The following NTRK3 variants were observed in gnomAD, a reference collection of about 807,000 sequenced individuals.
NTRK3 encodes the protein neurotrophic receptor tyrosine kinase 3, also known as NT-3 growth factor receptor.
Under a neutral mutation model 91.7 loss-of-function variants are expected in NTRK3, and 24 were observed. The observed-to-expected ratio is 0.26, with a 90% CI of 0.19 to 0.37. The LOEUF (loss-of-function observed/expected upper bound fraction) is 0.37. Among genes scored for constraint, NTRK3 ranks in the 10% least tolerant of loss-of-function variants. The probability of loss-of-function intolerance (pLI) is 1.00; values close to 1 mark genes in which losing one functional copy is unlikely to be tolerated. For synonymous variants in NTRK3, 483 were observed against 404.0 expected (o/e 1.20, Z -2.34); for missense variants, 880 against 1,068.9 (o/e 0.82, Z 2.46).
At chr15:87,954,288 C>T (rs111733483) in intron 14 of NTRK3, among the ~76,000 whole-genome samples, 132 of 152,178 alleles carry the variant, frequency 8.7e-4, no homozygotes, top group African/African-American at 3.0e-3. Flanking sequence ...AGCTCTTTAC[C>T]CTAGAAACTA....
At chr15:87,979,145 A>G (rs2141343779) in intron 14 of NTRK3, 1 of 624,110 alleles carries the variant, frequency 1.6e-6, no homozygotes. Flanking sequence ...TGATGATTGG[A>G]GGGAAGGGGC....
intron 10 of NTRK3, among the ~76,000 whole-genome samples, chr15:88,129,590 G>A (rs2053612065): frequency 6.6e-6 from 1 of 152,218 alleles, no homozygotes; most frequent in African/African-American, 2.4e-5. Context: ...TAAAAGGAGT[G>A]AGGATTCCTT....
chr15:87,954,381 G>C (rs1248944741), intron 14 of NTRK3, among the ~76,000 whole-genome samples: 1 of 152,176 alleles, frequency 6.6e-6, no homozygotes, highest in African/African-American at 2.4e-5. Context: ...TGAATGACCA[G>C]ACAGCTATAC....
intron 17 of NTRK3, among the ~76,000 whole-genome samples, chr15:87,923,391 T>A (rs1278204998): frequency 6.6e-6 from 1 of 152,132 alleles, no homozygotes; most frequent in Non-Finnish European, 1.5e-5. Flanking sequence ...TTTTAGCTGG[T>A]TGGGACATAG....
rs193081584 is a variant in NTRK3, at chr15:88,033,088, C to T, written c.1397-43G>A. ...GACGCAGGACCTGGTGACGTCACAT[C>T]CGGCCAGTTTCCAGCCCTGTCCACA... On this transcript the variant is annotated intron_variant, in intron 13 of 18. Transcript: ENST00000394480. The T allele has an allele frequency of 1.2e-4, 189 of 1,540,454 alleles. No individual in the cohort carries two copies. The East Asian group carries it at 3.9e-3, about 32-fold the overall frequency.
At chr15:87,868,295 G>C (rs1256132977) in exon 19 of NTRK3, 4 of 227,864 alleles carry the variant, frequency 1.8e-5, no homozygotes, top group Non-Finnish European at 3.5e-5. Context: ...TTTAAATAAA[G>C]TCATCAAGAT....
chr15:88,238,011 C>T (rs1402397924), intron 3 of NTRK3, among the ~76,000 whole-genome samples: 2 of 151,936 alleles, frequency 1.3e-5, no homozygotes, highest in Non-Finnish European at 1.5e-5. Flanking sequence ...TTGGGGTAGC[C>T]CTAATTCAAA....
chr15:88,068,965 A>T (rs2046884253), intron 13 of NTRK3, among the ~76,000 whole-genome samples: 1 of 152,176 alleles, frequency 6.6e-6, no homozygotes, highest in Admixed American at 6.5e-5. Flanking sequence ...AGAGGTAGGT[A>T]CGTCTGGATT....
chr15:88,156,287 G>T (rs2043894961), intron 5 of NTRK3, among the ~76,000 whole-genome samples: 1 of 152,186 alleles, frequency 6.6e-6, no homozygotes, highest in Admixed American at 6.5e-5. Context: ...GTGCTGAGGA[G>T]GTGGAGAAGG....
intron 14 of NTRK3, among the ~76,000 whole-genome samples, chr15:88,031,543 G>GC (rs1281132494): frequency 6.6e-6 from 1 of 152,118 alleles, no homozygotes; most frequent in African/African-American, 2.4e-5. Context: ...TCTCTTCCTT[G>GC]CCCAGCCGTG....
At chr15:87,931,335 G>C (rs2068781129) in intron 16 of NTRK3, 3 of 436,694 alleles carry the variant, frequency 6.9e-6, no homozygotes, top group Non-Finnish European at 1.4e-5. Flanking sequence ...TATTGAGAAA[G>C]AGTGTTGCCT....
intron 14 of NTRK3, among the ~76,000 whole-genome samples, chr15:88,006,268 T>A (rs2076482338): frequency 6.6e-6 from 1 of 152,100 alleles, no homozygotes; most frequent in Admixed American, 6.6e-5. Context: ...ACCGTAAGAG[T>A]GTTCCTCGGG....
intron 17 of NTRK3, among the ~76,000 whole-genome samples, chr15:87,889,308 A>G (rs1367291905): frequency 6.6e-6 from 1 of 151,916 alleles, no homozygotes; most frequent in Non-Finnish European, 1.5e-5. Flanking sequence ...AATGAATTAG[A>G]CCAGAGGTCA....
chr15:88,183,751 G>T (rs2046722215), intron 4 of NTRK3, among the ~76,000 whole-genome samples: 1 of 152,208 alleles, frequency 6.6e-6, no homozygotes, highest in South Asian at 2.1e-4. Flanking sequence ...CTGGCCAGTA[G>T]GTAAGGACCA....
chr15:88,068,576 C>T (rs1346417524), intron 13 of NTRK3, among the ~76,000 whole-genome samples: 1 of 152,164 alleles, frequency 6.6e-6, no homozygotes, highest in Non-Finnish European at 1.5e-5. Context: ...AGATATAGGG[C>T]TCAGAAAGGA....
chr15:88,199,523 A>C (rs1240183818), intron 3 of NTRK3, among the ~76,000 whole-genome samples: 1 of 152,212 alleles, frequency 6.6e-6, no homozygotes, highest in Non-Finnish European at 1.5e-5. Context: ...AATATCCTGA[A>C]AGGAATTGTC....
intron 14 of NTRK3, among the ~76,000 whole-genome samples, chr15:87,965,604 C>A (rs752158359): frequency 3.3e-5 from 5 of 152,152 alleles, no homozygotes; most frequent in Non-Finnish European, 5.9e-5. Context: ...CCCGAGGTCA[C>A]CAAAGGACCG....
Position 87,976,673 on chromosome 15 carries a change from G to A in NTRK3, c.1586-35920C>T, listed in dbSNP as rs144002654. On this transcript the variant is annotated intron_variant, in intron 14 of 18. Transcript: ENST00000394480. ...TGCACAGATGTGCCAGTTCATCTAA[G>A]CATTTTACTCTTTGGCCTCTCCCTC... Among the ~76,000 whole-genome samples, 17 of 152,276 alleles carry A rather than the reference G, an allele frequency of 1.1e-4. No individual in the cohort carries two copies. In the East Asian group the frequency reaches 3.3e-3, roughly 29 times the overall value.
chr15:87,871,826 T>C (rs1224222160), exon 19 of NTRK3: 1 of 220,714 alleles, frequency 4.5e-6, no homozygotes, highest in Non-Finnish European at 9.1e-6. Context: ...ACAACGTACA[T>C]ATATGTATAC....
Sources: gnomAD v4.1 joint callset for allele counts (sites outside exome capture counted in the v4.1 genomes callset) on GRCh38, gnomAD v4.1.1 for gene constraint, MANE v1.5 for transcripts, NCBI Gene and HGNC (gene_info 2026-07-23, HGNC 2026-07-21) for gene names.